KCND3: variants seen among roughly 807,000 people sequenced by gnomAD.
KCND3 encodes the protein potassium voltage-gated channel subfamily D member 3.
KCND3 carries 9 observed loss-of-function variants against 51.1 expected under a neutral mutation model. The observed-to-expected ratio is 0.18, with a 90% confidence interval of 0.11 to 0.31. KCND3 has a LOEUF of 0.31. Among genes scored for constraint, KCND3 ranks in the 10% least tolerant of loss-of-function variants. The probability of loss-of-function intolerance (pLI) is 1.00; values close to 1 mark genes in which losing one functional copy is unlikely to be tolerated. For synonymous variants in KCND3, 349 were observed against 368.0 expected (o/e 0.95, Z 0.59); for missense variants, 526 against 903.8 (o/e 0.58, Z 5.36).
At chr1:111,948,609 G>T (rs1436089457) in intron 2 of KCND3, among the ~76,000 whole-genome samples, 1 of 152,134 alleles carries the variant, frequency 6.6e-6, no homozygotes, top group Non-Finnish European at 1.5e-5. Flanking sequence ...CCCCAGAGAG[G>T]CTTAAAAACC....
intron 2 of KCND3, among the ~76,000 whole-genome samples, chr1:111,912,750 C>T (rs989654417): frequency 6.6e-6 from 1 of 151,958 alleles, no homozygotes; most frequent in Non-Finnish European, 1.5e-5. Context: ...GTAAAAAAAC[C>T]CCAAAACCCC....
chr1:111,806,562 A>G (rs1449726920), intron 2 of KCND3, among the ~76,000 whole-genome samples: 1 of 152,254 alleles, frequency 6.6e-6, no homozygotes, highest in Non-Finnish European at 1.5e-5. Flanking sequence ...TGTGAGGAAA[A>G]TGAGAGAAGG....
intron 2 of KCND3, among the ~76,000 whole-genome samples, chr1:111,877,468 A>T (rs1669102087): frequency 6.6e-6 from 1 of 152,210 alleles, no homozygotes; most frequent in Non-Finnish European, 1.5e-5. Context: ...GGAGGGGACT[A>T]GAGGGACCAC....
At chr1:111,827,485 C>G (rs561788937) in intron 2 of KCND3, among the ~76,000 whole-genome samples, 1 of 152,170 alleles carries the variant, frequency 6.6e-6, no homozygotes, top group Admixed American at 6.5e-5. Flanking sequence ...TGTTACCTGC[C>G]TCCATCGCAA....
intron 2 of KCND3, among the ~76,000 whole-genome samples, chr1:111,919,528 G>A (rs191143099): frequency 6.6e-6 from 1 of 152,240 alleles, no homozygotes; most frequent in East Asian, 1.9e-4. Flanking sequence ...CTGAGGGCAA[G>A]GGGGCATGGT....
rs1664332259 is a variant in KCND3 at position 111,780,584 on chromosome 1, T to C, written c.1371+106A>G. On this transcript the variant is annotated intron_variant, in intron 4 of 7. Transcript: ENST00000302127. The surrounding 1 kb of genome is among the most constrained non-coding windows in gnomAD (Gnocchi z 4.2). ...GGAAAGTTTGGAAACGTGTCCTCCT[T>C]GGGGTTCATACTGGGGCTCTGGTGA... 1 of 1,029,858 alleles carries C rather than the reference T, an allele frequency of 9.7e-7. No homozygotes were observed. Among genetic ancestry groups the C allele is most frequent in the South Asian group, 1.4e-5 (1 of 73,268 alleles). The allele number at this position is 1,029,858 out of a possible 1,614,324, so 63.8% of individuals were successfully genotyped here.
At chr1:111,903,186 C>T (rs1007478367) in intron 2 of KCND3, among the ~76,000 whole-genome samples, 2 of 152,206 alleles carry the variant, frequency 1.3e-5, no homozygotes, top group African/African-American at 4.8e-5. Context: ...GTCTGGTGAC[C>T]ATCAGACCAG....
chr1:111,898,588 A>G (rs1670236613), intron 2 of KCND3, among the ~76,000 whole-genome samples: 1 of 152,216 alleles, frequency 6.6e-6, no homozygotes, highest in African/African-American at 2.4e-5. Context: ...AAGTGAAATG[A>G]AAACTCAAAT....
At chr1:111,952,887 A>G (rs1034419521) in intron 2 of KCND3, among the ~76,000 whole-genome samples, 9 of 152,312 alleles carry the variant, frequency 5.9e-5, no homozygotes, top group South Asian at 2.1e-4. Context: ...TTCCTCTTGC[A>G]GAAGACCTTC....
intron 3 of KCND3, among the ~76,000 whole-genome samples, chr1:111,784,103 T>TCACACACACACACACACACACACACA (rs369429634): frequency 3.4e-5 from 4 of 117,484 alleles, no homozygotes; most frequent in Non-Finnish European, 5.8e-5. Context: ...CATTAACTTA[T>TCACACACACACACACACACACACACA]CACACACACA....
chr1:111,807,041 T>G (rs1665604287), intron 2 of KCND3, among the ~76,000 whole-genome samples: 1 of 152,204 alleles, frequency 6.6e-6, no homozygotes, highest in African/African-American at 2.4e-5. Flanking sequence ...CACAGTAAAT[T>G]AAAATCCTCT....
At position 111,889,752 on chromosome 1, in the gene KCND3, G is replaced by A. The variant is rs115461160; in HGVS notation, c.1106+91869C>T. Among the ~76,000 whole-genome samples, 291 of 152,230 alleles carry A rather than the reference G, an allele frequency of 1.9e-3. 3 individuals carry two copies. Among genetic ancestry groups the A allele is most frequent in the African/African-American group, 6.8e-3 (282 of 41,534 alleles). On this transcript the variant is annotated intron_variant, in intron 2 of 7. Transcript: ENST00000302127. ...TCTGCATTTTACATAAGATAACACA[G>A]ACAAAATGGGGTAGGGGAACAATAA...
intron 2 of KCND3, among the ~76,000 whole-genome samples, chr1:111,789,824 C>T (rs1664755482): frequency 6.6e-6 from 1 of 152,152 alleles, no homozygotes; most frequent in African/African-American, 2.4e-5. Context: ...TGCTCCAGAC[C>T]TATTGCATCA....
intron 2 of KCND3, among the ~76,000 whole-genome samples, chr1:111,804,373 C>G (rs1013629032): frequency 2.0e-5 from 3 of 152,246 alleles, no homozygotes; most frequent in African/African-American, 7.2e-5. Context: ...TCAGCCTTCC[C>G]CACACCCTGT....
intron 2 of KCND3, among the ~76,000 whole-genome samples, chr1:111,892,829 AG>A (rs2101766603): frequency 6.6e-6 from 1 of 152,380 alleles, no homozygotes; most frequent in South Asian, 2.1e-4. Flanking sequence ...TGAACAAAAG[AG>A]AAGTAGGAAG....
intron 2 of KCND3, among the ~76,000 whole-genome samples, chr1:111,900,914 A>G (rs866850625): frequency 1.7e-3 from 259 of 152,264 alleles, no homozygotes; most frequent in African/African-American, 5.9e-3. Context: ...CCGAGATCAC[A>G]CCATTGCACT....
Position 111,880,026 on chromosome 1 carries a change from G to A in KCND3, c.1107-92920C>T, listed in dbSNP as rs527604411. 5.3e-5 allele frequency among the ~76,000 whole-genome samples: 8 copies of A among 152,286 alleles called. No individual in the cohort carries two copies. The East Asian group carries it at 1.5e-3, about 29-fold the overall frequency. On this transcript the variant is annotated intron_variant, in intron 2 of 7. Coordinates refer to ENST00000302127, the MANE Select transcript of KCND3 (RefSeq NM_001378969.1). ...ACTACCCTCCTAGGGTTGCTGTGAG[G>A]ATTGAATGAAATTATACATGTATAT...
intron 2 of KCND3, among the ~76,000 whole-genome samples, chr1:111,906,497 T>C (rs1670654711): frequency 6.6e-6 from 1 of 152,246 alleles, no homozygotes. Context: ...TTACTTGTGA[T>C]ATGTGACACC....
At chr1:111,863,564 C>T (rs1481107209) in intron 2 of KCND3, among the ~76,000 whole-genome samples, 1 of 152,116 alleles carries the variant, frequency 6.6e-6, no homozygotes, top group East Asian at 1.9e-4. Context: ...TAACATTGTG[C>T]TTTTGAAAAC....
Sources: allele counts gnomAD v4.1 joint callset (sites outside exome capture counted in the v4.1 genomes callset), GRCh38; gene constraint gnomAD v4.1.1; non-coding constraint Gnocchi (gnomAD v3.1); transcripts MANE v1.5; gene names NCBI Gene and HGNC (gene_info 2026-07-23, HGNC 2026-07-21).